The following CTNNA3 variants were observed in gnomAD, a reference collection of about 807,000 sequenced individuals.
CTNNA3 encodes the protein catenin alpha-3.
A neutral mutation model predicts 95.7 loss-of-function variants in CTNNA3; 76 were observed. The observed-to-expected ratio is 0.79, with a 90% confidence interval of 0.66 to 0.96. CTNNA3 has a LOEUF of 0.96. Among genes scored for constraint, CTNNA3 ranks in the 40% least tolerant of loss-of-function variants. The probability of loss-of-function intolerance (pLI) is 0.00; values close to 1 mark genes in which losing one functional copy is unlikely to be tolerated. For missense variants in CTNNA3, 1,191 were observed against 1,089.8 expected (o/e 1.09, Z -1.31); for synonymous variants, 431 against 374.4 (o/e 1.15, Z -1.74).
Position 66,012,433 on chromosome 10 carries a change from T to C in CTNNA3, c.2160-23636A>G, listed in dbSNP as rs185333840. Among the ~76,000 whole-genome samples the C allele has an allele frequency of 1.3e-3, 200 of 152,222 alleles. 2 individuals carry two copies. The highest frequency in any genetic ancestry group is 4.4e-3 in the African/African-American group (183 of 41,536). On this transcript the variant is annotated intron_variant, in intron 15 of 17. Transcript: ENST00000433211. ...GACAACTGTTACATTTAAAGTCCAG[T>C]TGGGGTTTTAAAAATCTGACCCACA...
chr10:66,496,706 G>T (rs61513641), intron 11 of CTNNA3, among the ~76,000 whole-genome samples: 12,531 of 152,186 alleles, frequency 0.082, 1,215 homozygotes, highest in East Asian at 0.32. Flanking sequence ...GTGAACACAC[G>T]ACAAAGGAAA....
chr10:67,755,104 G>A (rs1841425906), intron 1 of CTNNA3, among the ~76,000 whole-genome samples: 1 of 151,748 alleles, frequency 6.6e-6, no homozygotes. Context: ...GAGGCGAGAG[G>A]ATCACTTGAG....
intron 10 of CTNNA3, among the ~76,000 whole-genome samples, chr10:66,539,351 T>C (rs1841768261): frequency 6.6e-6 from 1 of 151,982 alleles, no homozygotes; most frequent in Admixed American, 6.6e-5. Context: ...ATAAGATTAA[T>C]GAATGTTTGA....
At chr10:67,207,525 G>C (rs891861365) in intron 6 of CTNNA3, among the ~76,000 whole-genome samples, 1 of 152,112 alleles carries the variant, frequency 6.6e-6, no homozygotes, top group Non-Finnish European at 1.5e-5. Flanking sequence ...ACCTCTGTGG[G>C]AATTGTAACA....
At chr10:66,169,272 A>G (rs1401071330) in intron 13 of CTNNA3, among the ~76,000 whole-genome samples, 1 of 152,110 alleles carries the variant, frequency 6.6e-6, no homozygotes, top group Non-Finnish European at 1.5e-5. Flanking sequence ...GTAAGAACAT[A>G]CAATTCTTGC....
At chr10:66,885,119 A>G (rs1234851218) in intron 7 of CTNNA3, among the ~76,000 whole-genome samples, 1 of 152,164 alleles carries the variant, frequency 6.6e-6, no homozygotes. Flanking sequence ...AGACTACTGT[A>G]TCAGAGAGAA....
Position 66,634,427 on chromosome 10 carries a change from C to T in CTNNA3, c.1282-12643G>A, listed in dbSNP as rs907720606. 1.3e-5 allele frequency among the ~76,000 whole-genome samples: 2 copies of T among 152,048 alleles called. 1 individual carries two copies. Among genetic ancestry groups the T allele is most frequent in the Non-Finnish European group, 2.9e-5 (2 of 68,002 alleles). ...GAGAATTCACAGTAGGGAAACAAGG[C>T]ACTGGTTTTACCTTGTCTTAATGTC... On this transcript the variant is annotated intron_variant, in intron 9 of 17. Transcript: ENST00000433211.
At chr10:66,384,606 A>G (rs546432139) in intron 11 of CTNNA3, among the ~76,000 whole-genome samples, 5 of 152,346 alleles carry the variant, frequency 3.3e-5, no homozygotes, top group Admixed American at 3.3e-4. Flanking sequence ...AGACATCTAC[A>G]GAACTCTCCA....
At chr10:67,265,825 G>T (rs757643254) in intron 5 of CTNNA3, among the ~76,000 whole-genome samples, 1 of 152,122 alleles carries the variant, frequency 6.6e-6, no homozygotes, top group Non-Finnish European at 1.5e-5. Context: ...AGGAATCAAA[G>T]ATTACTTCCT....
At chr10:66,413,712 C>T (rs2093125330) in intron 11 of CTNNA3, among the ~76,000 whole-genome samples, 1 of 152,098 alleles carries the variant, frequency 6.6e-6, no homozygotes, top group Non-Finnish European at 1.5e-5. Flanking sequence ...GATTAAACAG[C>T]CATGTAAATC....
chr10:66,985,452 G>T (rs973506493), intron 7 of CTNNA3, among the ~76,000 whole-genome samples: 2 of 152,102 alleles, frequency 1.3e-5, no homozygotes, highest in Non-Finnish European at 2.9e-5. Flanking sequence ...GCCAATCAGT[G>T]GGGAGCTGGC....
At chr10:66,108,952 A>G (rs2082013244) in intron 13 of CTNNA3, among the ~76,000 whole-genome samples, 1 of 152,214 alleles carries the variant, frequency 6.6e-6, no homozygotes, top group Admixed American at 6.5e-5. Context: ...TATGGAAACT[A>G]GAGATGAGAT....
intron 7 of CTNNA3, among the ~76,000 whole-genome samples, chr10:66,886,343 G>C (rs1276465164): frequency 2.0e-5 from 3 of 152,052 alleles, no homozygotes; most frequent in Non-Finnish European, 2.9e-5. Context: ...ATCTGTGACT[G>C]AGCATGAAAT....
rs12241369 is a variant in CTNNA3 at position 67,549,074 on chromosome 10, C to T, written c.293-9405G>A. Among the ~76,000 whole-genome samples, 1,044 of 152,026 alleles carry T rather than the reference C, an allele frequency of 6.9e-3. 11 individuals are homozygous for T. Among genetic ancestry groups the T allele is most frequent in the African/African-American group, 0.024 (1,006 of 41,460 alleles). On this transcript the variant is annotated intron_variant, in intron 3 of 17. Transcript: ENST00000433211. ...AGATGTACAGAGGTTTTAGTAAGGA[C>T]CTTTGAATAAGTTTTTTTTATTATT...
At chr10:67,297,042 A>C (rs1009130316) in intron 5 of CTNNA3, among the ~76,000 whole-genome samples, 1 of 151,786 alleles carries the variant, frequency 6.6e-6, no homozygotes, top group Non-Finnish European at 1.5e-5. Context: ...GTAGAGGAAA[A>C]ACCCATATTG....
At chr10:66,041,267 G>A (rs2079681989) in intron 15 of CTNNA3, among the ~76,000 whole-genome samples, 2 of 152,206 alleles carry the variant, frequency 1.3e-5, no homozygotes, top group African/African-American at 4.8e-5. Context: ...AGAAAAGACT[G>A]AGGGAATGTC....
chr10:67,169,539 C>G (rs1183045314), intron 7 of CTNNA3, among the ~76,000 whole-genome samples: 1 of 152,148 alleles, frequency 6.6e-6, no homozygotes, highest in Non-Finnish European at 1.5e-5. Flanking sequence ...AAAAGACTCC[C>G]TATTCAATAA....
intron 13 of CTNNA3, among the ~76,000 whole-genome samples, chr10:66,150,821 C>T (rs2084161164): frequency 1.3e-5 from 2 of 151,782 alleles, no homozygotes; most frequent in Admixed American, 1.3e-4. Flanking sequence ...AACCTGATTT[C>T]TTAAGGTAAA....
chr10:67,330,792 G>A (rs1287400370), intron 5 of CTNNA3, among the ~76,000 whole-genome samples: 4 of 152,014 alleles, frequency 2.6e-5, no homozygotes, highest in Non-Finnish European at 5.9e-5. Flanking sequence ...TTCCTCAGAC[G>A]ATACCTGGGA....
Sources: gnomAD v4.1 joint callset for allele counts (sites outside exome capture counted in the v4.1 genomes callset) on GRCh38, gnomAD v4.1.1 for gene constraint, MANE v1.5 for transcripts, NCBI Gene and HGNC (gene_info 2026-07-23, HGNC 2026-07-21) for gene names.